Variants in ZBTB40 observed in about 807,000 individuals in gnomAD.
ZBTB40 encodes zinc finger and BTB domain-containing protein 40.
In ZBTB40, 60 loss-of-function variants were observed where a neutral mutation model predicts 117.5. The observed-to-expected ratio is 0.51, with a 90% CI of 0.41 to 0.63. ZBTB40 has a LOEUF of 0.63. Ranked by LOEUF, ZBTB40 falls within the 30% of genes least tolerant of loss-of-function variation. The probability of loss-of-function intolerance (pLI) is 0.00; values close to 1 mark genes in which losing one functional copy is unlikely to be tolerated. For missense variants in ZBTB40, 1,287 were observed against 1,498.5 expected (o/e 0.86, Z 2.33); for synonymous variants, 525 against 577.1 (o/e 0.91, Z 1.29).
At position 22,526,184 on chromosome 1, in the gene ZBTB40, A is replaced by G. The variant is rs1203547670; in HGVS notation, c.3526-18A>G. ...TGTGAACACTGCCCAGAGCAGCCTC[A>G]CGGTCTTTCTCTTTCAGGTGATCCA... On this transcript the variant is annotated intron_variant, in intron 17 of 17. Transcript: ENST00000375647. The G allele has an allele frequency of 1.2e-6, 2 of 1,613,942 alleles. No individual in the cohort carries two copies. The highest frequency in any genetic ancestry group is 1.7e-6 in the Non-Finnish European group (2 of 1,179,940).
At chr1:22,517,092 C>G (rs1184742247) in intron 12 of ZBTB40, among the ~76,000 whole-genome samples, 1 of 152,178 alleles carries the variant, frequency 6.6e-6, no homozygotes, top group Non-Finnish European at 1.5e-5. Context: ...TCCAACCACA[C>G]TCGCACCTTC....
chr1:22,441,476 T>TC (rs1380479352), intron 1 of ZBTB40, among the ~76,000 whole-genome samples: 2 of 135,686 alleles, frequency 1.5e-5, no homozygotes, highest in Non-Finnish European at 3.2e-5. Context: ...TTGCTTTCTT[T>TC]TTTTTTTTTT....
chr1:22,511,460 A>G, intron 10 of ZBTB40, 113 bp downstream of exon 10: 1 of 1,438,866 alleles, frequency 6.9e-7, no homozygotes. Context: ...TTACGTATTC[A>G]TTTTATATGC....
chr1:22,498,290 T>G (rs1638832159), intron 3 of ZBTB40, among the ~76,000 whole-genome samples: 1 of 152,246 alleles, frequency 6.6e-6, no homozygotes, highest in South Asian at 2.1e-4. Flanking sequence ...TTTGGAGTTC[T>G]GTTACATGAT....
chr1:22,455,771 G>A lies in ZBTB40; in HGVS notation c.-70+3767G>A, dbSNP rs552171827. Among the ~76,000 whole-genome samples the A allele has an allele frequency of 1.4e-3, 212 of 151,778 alleles. 1 individual carries two copies. The highest frequency in any genetic ancestry group is 4.9e-3 in the African/African-American group (203 of 41,396). Reference sequence around the variant, plus strand: ...AGCATCATTGCAGACAGGCAGCCCCGGAAAACGAGCCACACTTTGGCAACA... The same window carrying A: ...AGCATCATTGCAGACAGGCAGCCCCAGAAAACGAGCCACACTTTGGCAACA... On this transcript the variant is annotated intron_variant, in intron 1 of 17. Transcript: ENST00000375647.
chr1:22,462,565 A>G (rs1189333613), intron 1 of ZBTB40, among the ~76,000 whole-genome samples: 2 of 152,230 alleles, frequency 1.3e-5, no homozygotes, highest in South Asian at 4.1e-4. Flanking sequence ...AGCCATAGGT[A>G]ACGGGAAGAG....
chr1:22,449,439 ACCAG>A (rs892413945), upstream of ZBTB40, among the ~76,000 whole-genome samples: 1 of 152,192 alleles, frequency 6.6e-6, no homozygotes, highest in Non-Finnish European at 1.5e-5. Context: ...CCATATCATG[ACCAG>A]CCAGAAGCCA....
chr1:22,499,512 A>G (rs1005391673), intron 3 of ZBTB40, among the ~76,000 whole-genome samples: 2 of 152,228 alleles, frequency 1.3e-5, no homozygotes, highest in African/African-American at 4.8e-5. Flanking sequence ...TAACAAAAGC[A>G]TGAAAAGTTG....
chr1:22,514,608 C>A (rs1247737873), intron 12 of ZBTB40, among the ~76,000 whole-genome samples: 4 of 152,212 alleles, frequency 2.6e-5, no homozygotes, highest in Non-Finnish European at 5.9e-5. Context: ...AGACCTTACT[C>A]ACACTTACCT....
intron 3 of ZBTB40, among the ~76,000 whole-genome samples, chr1:22,497,113 C>T (rs1047165056): frequency 6.6e-6 from 1 of 152,198 alleles, no homozygotes; most frequent in Non-Finnish European, 1.5e-5. Context: ...CTTCTTTATT[C>T]CTAGCCATGT....
At chr1:22,440,241 A>G (rs1362890746) in intron 1 of ZBTB40, among the ~76,000 whole-genome samples, 3 of 152,168 alleles carry the variant, frequency 2.0e-5, no homozygotes, top group South Asian at 4.1e-4. Context: ...ACGGTTTTCT[A>G]TATGTAAGAT....
At chr1:22,485,679 C>T (rs935061643) in intron 1 of ZBTB40, among the ~76,000 whole-genome samples, 1 of 152,086 alleles carries the variant, frequency 6.6e-6, no homozygotes, top group African/African-American at 2.4e-5. Context: ...TCTGGTGTCC[C>T]CATTTTGCAT....
chr1:22,481,040 T>G (rs1246002761), intron 1 of ZBTB40, among the ~76,000 whole-genome samples: 1 of 152,180 alleles, frequency 6.6e-6, no homozygotes, highest in African/African-American at 2.4e-5. Context: ...TGTACAGGAG[T>G]TTGAAACCCC....
intron 1 of ZBTB40, among the ~76,000 whole-genome samples, chr1:22,432,031 G>A (rs2124359016): frequency 6.6e-6 from 1 of 152,150 alleles, no homozygotes; most frequent in African/African-American, 2.4e-5. Flanking sequence ...GCATAGTTCT[G>A]GAGTAAATTC....
chr1:22,473,917 A>G (rs1425804029), intron 1 of ZBTB40, among the ~76,000 whole-genome samples: 1 of 152,214 alleles, frequency 6.6e-6, no homozygotes, highest in Non-Finnish European at 1.5e-5. Context: ...TTAACAAGGC[A>G]GTTAACATCT....
chr1:22,524,066 T>C (rs901926597), intron 16 of ZBTB40, 152 bp from the exon 17 acceptor site: 11 of 756,226 alleles, frequency 1.5e-5, no homozygotes, highest in Admixed American at 4.1e-5. Flanking sequence ...GCCCCCCAGA[T>C]TGAATAACGT....
chr1:22,437,609 G>A (rs147968587), intron 1 of ZBTB40, among the ~76,000 whole-genome samples: 49 of 151,760 alleles, frequency 3.2e-4, no homozygotes, highest in African/African-American at 1.1e-3. Flanking sequence ...TAGTAGAAAC[G>A]GGGTTTTACC....
Position 22,508,143 on chromosome 1 carries a change from A to G in ZBTB40, c.1497+6A>G. ...TAGCCCCTGGAGAAAGAGAGGTAAGAGAGGGAGAGAAACAGAGGGAGGGGA... is the reference window on the plus strand; with the variant it reads ...TAGCCCCTGGAGAAAGAGAGGTAAGGGAGGGAGAGAAACAGAGGGAGGGGA... On this transcript the variant is annotated splice_donor_region_variant and intron_variant, in intron 7 of 17. Transcript: ENST00000375647. 1.2e-6 allele frequency: 2 copies of G among 1,613,358 alleles called. No homozygotes were observed. Among genetic ancestry groups the G allele is most frequent in the Non-Finnish European group, 1.7e-6 (2 of 1,179,732 alleles).
At chr1:22,453,763 C>T (rs1640939862) in intron 1 of ZBTB40, among the ~76,000 whole-genome samples, 1 of 152,182 alleles carries the variant, frequency 6.6e-6, no homozygotes, top group Non-Finnish European at 1.5e-5. Context: ...TCTGATCACA[C>T]TGAACACCCT....
Sources: gnomAD v4.1 joint callset for allele counts (sites outside exome capture counted in the v4.1 genomes callset) on GRCh38, gnomAD v4.1.1 for gene constraint, MANE v1.5 for transcripts, NCBI Gene and HGNC (gene_info 2026-07-23, HGNC 2026-07-21) for gene names.